Variants in PBX4 observed in about 807,000 individuals in gnomAD.
PBX4 encodes the protein PBX homeobox 4.
PBX4 carries 26 observed loss-of-function variants against 35.1 expected under a neutral mutation model. The observed-to-expected ratio is 0.74, with a 90% CI of 0.54 to 1.03. PBX4 has a LOEUF of 1.03. Ranked by LOEUF, PBX4 falls within the 50% of genes least tolerant of loss-of-function variation. The pLI is 0.00. For missense variants in PBX4, 448 were observed against 504.3 expected (o/e 0.89, Z 1.07); for synonymous variants, 199 against 204.2 (o/e 0.97, Z 0.22).
chr19:19,568,169 C>A (rs1046776874), intron 5 of PBX4, among the ~76,000 whole-genome samples: 2 of 147,858 alleles, frequency 1.4e-5, no homozygotes, highest in African/African-American at 5.0e-5. Flanking sequence ...AGCTCACACT[C>A]CATCTGTATC....
intron 3 of PBX4, 122 bp downstream of exon 3, chr19:19,570,464 G>T: frequency 6.7e-7 from 1 of 1,488,794 alleles, no homozygotes; most frequent in Non-Finnish European, 9.1e-7. Context: ...GACCACCTCT[G>T]CAGCGACCAA....
chr19:19,616,706 C>T (rs1385010491), intron 1 of PBX4, among the ~76,000 whole-genome samples: 6 of 151,882 alleles, frequency 4.0e-5, no homozygotes, highest in African/African-American at 9.7e-5. Context: ...TTTGTTCAGA[C>T]GGAATCTCGC....
intron 5 of PBX4, among the ~76,000 whole-genome samples, chr19:19,567,433 G>A (rs1435881455): frequency 6.6e-6 from 1 of 152,218 alleles, no homozygotes. Context: ...GAGCATGGTG[G>A]TGAAGGACTA....
chr19:19,591,379 G>A (rs1046642445), intron 2 of PBX4, among the ~76,000 whole-genome samples: 1 of 152,204 alleles, frequency 6.6e-6, no homozygotes, highest in Non-Finnish European at 1.5e-5. Flanking sequence ...GAATGAGAAT[G>A]GCTTATGCCT....
intron 2 of PBX4, among the ~76,000 whole-genome samples, chr19:19,584,808 TAG>T (rs1352789905): frequency 6.6e-6 from 1 of 151,784 alleles, no homozygotes; most frequent in Non-Finnish European, 1.5e-5. Flanking sequence ...GTATTTTTAG[TAG>T]AGATGGGGTT....
intron 4 of PBX4, 35 bp downstream of exon 4, chr19:19,570,074 G>A (rs765327065): frequency 3.1e-5 from 47 of 1,539,064 alleles, no homozygotes; most frequent in Non-Finnish European, 2.8e-5. Context: ...CCTCAGAGCC[G>A]GCCCTTGAGG....
intron 2 of PBX4, among the ~76,000 whole-genome samples, chr19:19,586,279 G>A (rs2061488521): frequency 6.6e-6 from 1 of 151,968 alleles, no homozygotes; most frequent in Non-Finnish European, 1.5e-5. Context: ...CGGATATGGT[G>A]GCTTCTATCT....
intron 1 of PBX4, among the ~76,000 whole-genome samples, chr19:19,607,802 A>T (rs563441680): frequency 2.6e-5 from 4 of 152,342 alleles, no homozygotes; most frequent in African/African-American, 7.2e-5. Context: ...GTATCATTTT[A>T]AATTACTTGG....
At position 19,561,955 on chromosome 19, in the gene PBX4, T is replaced by C; in HGVS notation, c.*70A>G. ...TTTTCTGAGGTCGTCGGCGGCACGT[T>C]CAGTAACAAAGCAACGGCTGGCGAT... is the stretch of plus-strand genomic sequence containing the variant. On this transcript the variant is annotated 3_prime_UTR_variant, in exon 8 of 8. Coordinates refer to ENST00000251203, the MANE Select transcript of PBX4 (RefSeq NM_025245.3). 7.2e-7 allele frequency: 1 copy of C among 1,385,276 alleles called. No individual in the cohort carries two copies. The highest frequency in any genetic ancestry group is 2.6e-5 in the East Asian group (1 of 38,454). 85.8% of individuals were successfully genotyped at this position (1,385,276 alleles called of 1,614,324 possible). A position where few individuals can be genotyped will look rare whatever the true frequency, so the allele number is the denominator to read the frequency against.
At chr19:19,590,718 C>T (rs1254171186) in intron 2 of PBX4, among the ~76,000 whole-genome samples, 1 of 152,162 alleles carries the variant, frequency 6.6e-6, no homozygotes, top group Non-Finnish European at 1.5e-5. Context: ...ATCCCCCCAC[C>T]TTGGCCTCCC....
At position 19,612,669 on chromosome 19, in the gene PBX4, C is replaced by A. The variant is rs1190346753; in HGVS notation, c.119+5842G>T. Among the ~76,000 whole-genome samples, 4 of 151,934 alleles carry A rather than the reference C, an allele frequency of 2.6e-5. No homozygotes were observed. The South Asian group carries it at 6.2e-4, about 24-fold the overall frequency. ...TGAGTGAACTTTAGGGCTTTGAGTT[C>A]ATCTAAAGGCTAGGTCCAAAGAAAT... On this transcript the variant is annotated intron_variant, in intron 1 of 7. Transcript: ENST00000251203.
chr19:19,565,872 C>T (rs561414801), intron 5 of PBX4, among the ~76,000 whole-genome samples: 176 of 151,988 alleles, frequency 1.2e-3, no homozygotes, highest in Non-Finnish European at 1.7e-3. Flanking sequence ...GAGCCAAGAT[C>T]GCACTGCAAT....
intron 2 of PBX4, among the ~76,000 whole-genome samples, chr19:19,579,675 G>A (rs1025052029): frequency 2.0e-5 from 3 of 152,214 alleles, no homozygotes; most frequent in Admixed American, 6.5e-5. Context: ...CCTCGGGTCT[G>A]CCACTTTCCA....
chr19:19,603,741 G>A (rs750614720), intron 1 of PBX4, among the ~76,000 whole-genome samples: 8 of 152,138 alleles, frequency 5.3e-5, no homozygotes, highest in Non-Finnish European at 7.3e-5. Flanking sequence ...CAGATCACTT[G>A]AAGTCAGGAG....
chr19:19,568,287 A>G (rs1600395744), intron 5 of PBX4, among the ~76,000 whole-genome samples: 2 of 141,114 alleles, frequency 1.4e-5, no homozygotes, highest in Admixed American at 7.1e-5. Flanking sequence ...CTCACACTCC[A>G]TCTGTATCCC....
At chr19:19,583,026 G>T (rs1018716556) in intron 2 of PBX4, among the ~76,000 whole-genome samples, 1 of 152,260 alleles carries the variant, frequency 6.6e-6, no homozygotes, top group Non-Finnish European at 1.5e-5. Context: ...CCCAGCAAGA[G>T]AGCGGAGGTG....
intron 5 of PBX4, among the ~76,000 whole-genome samples, chr19:19,566,770 G>T (rs2144702254): frequency 6.7e-6 from 1 of 149,946 alleles, no homozygotes; most frequent in Non-Finnish European, 1.5e-5. Context: ...GAGTGCAGTG[G>T]TGCGACCTCA....
At chr19:19,590,244 G>A (rs540286107) in intron 2 of PBX4, among the ~76,000 whole-genome samples, 35 of 152,054 alleles carry the variant, frequency 2.3e-4, no homozygotes, top group African/African-American at 8.0e-4. Context: ...CCCTAGCCCC[G>A]GGACAACCAC....
intron 2 of PBX4, among the ~76,000 whole-genome samples, chr19:19,598,548 G>A (rs1568394113): frequency 6.6e-6 from 1 of 151,816 alleles, no homozygotes; most frequent in African/African-American, 2.4e-5. Context: ...CACCTGCCTC[G>A]GCCTCCCAAA....
Sources: gnomAD v4.1 joint callset for allele counts (sites outside exome capture counted in the v4.1 genomes callset) on GRCh38, gnomAD v4.1.1 for gene constraint, MANE v1.5 for transcripts, NCBI Gene and HGNC (gene_info 2026-07-23, HGNC 2026-07-21) for gene names.